The following ROBO1 variants were observed in gnomAD, a reference collection of about 807,000 sequenced individuals.
ROBO1 encodes roundabout homolog 1.
In ROBO1, 149 loss-of-function variants were observed where a neutral mutation model predicts 195.9. The ratio of observed to expected loss-of-function variants is 0.76; its 90% CI spans 0.67 to 0.87. The LOEUF (loss-of-function observed/expected upper bound fraction) is 0.87. Ranked by LOEUF, ROBO1 falls within the 40% of genes least tolerant of loss-of-function variation. ROBO1 has a pLI of 0.00. For missense variants in ROBO1, 1,933 were observed against 2,068.3 expected (o/e 0.93, Z 1.27); for synonymous variants, 816 against 733.2 (o/e 1.11, Z -1.82).
intron 3 of ROBO1, among the ~76,000 whole-genome samples, chr3:79,036,393 G>A (rs1339407369): frequency 2.0e-5 from 3 of 151,992 alleles, no homozygotes; most frequent in African/African-American, 7.3e-5. Flanking sequence ...GTGGCAGAAA[G>A]AGCTAAATAT....
At chr3:79,038,469 G>A (rs916920660) in intron 3 of ROBO1, among the ~76,000 whole-genome samples, 1 of 152,146 alleles carries the variant, frequency 6.6e-6, no homozygotes, top group Non-Finnish European at 1.5e-5. Flanking sequence ...ATTAGGAAGA[G>A]TAGCTGCTGA....
At chr3:79,496,538 C>A (rs1194476638) in intron 2 of ROBO1, among the ~76,000 whole-genome samples, 4 of 148,056 alleles carry the variant, frequency 2.7e-5, no homozygotes, top group African/African-American at 1.0e-4. Context: ...CGCCCGCCAC[C>A]GCGCCCGGCT....
At chr3:79,212,007 A>G (rs892539600) in intron 2 of ROBO1, among the ~76,000 whole-genome samples, 4 of 152,226 alleles carry the variant, frequency 2.6e-5, no homozygotes, top group African/African-American at 9.6e-5. Flanking sequence ...ACGGGAAACA[A>G]AGGGATGGGC....
chr3:78,753,902 A>C (rs2108321090), intron 4 of ROBO1, among the ~76,000 whole-genome samples: 1 of 152,364 alleles, frequency 6.6e-6, no homozygotes, highest in Non-Finnish European at 1.5e-5. Context: ...TATACACTTT[A>C]AAATAACCTA....
chr3:78,870,369 C>T (rs552642630), intron 4 of ROBO1, among the ~76,000 whole-genome samples: 1 of 152,284 alleles, frequency 6.6e-6, no homozygotes, highest in African/African-American at 2.4e-5. Flanking sequence ...CTCTCACTTA[C>T]GACTTCTACA....
At chr3:78,875,770 T>G (rs1441485999) in intron 4 of ROBO1, among the ~76,000 whole-genome samples, 3 of 152,012 alleles carry the variant, frequency 2.0e-5, no homozygotes, top group African/African-American at 7.2e-5. Context: ...ACCTGGAGAT[T>G]AAAAGCAGAA....
At chr3:79,013,607 C>A (rs1352397663) in intron 3 of ROBO1, among the ~76,000 whole-genome samples, 3 of 152,158 alleles carry the variant, frequency 2.0e-5, no homozygotes, top group Non-Finnish European at 4.4e-5. Context: ...TTCTTCATTT[C>A]TCTCTTTCGA....
chr3:79,501,976 T>C (rs1940096509), intron 2 of ROBO1, among the ~76,000 whole-genome samples: 3 of 152,206 alleles, frequency 2.0e-5, no homozygotes, highest in African/African-American at 4.8e-5. Flanking sequence ...GTCGTTTGAG[T>C]AAGATAGCTC....
intron 2 of ROBO1, among the ~76,000 whole-genome samples, chr3:79,147,764 T>A (rs1010747327): frequency 6.6e-6 from 1 of 152,144 alleles, no homozygotes; most frequent in African/African-American, 2.4e-5. Flanking sequence ...AATGTCAAAC[T>A]GAACACGGAA....
At chr3:79,753,499 T>C (rs1032965344) in intron 1 of ROBO1, among the ~76,000 whole-genome samples, 1 of 152,216 alleles carries the variant, frequency 6.6e-6, no homozygotes, top group African/African-American at 2.4e-5. Context: ...CTCAGTGATT[T>C]GCAAGAGTGT....
intron 21 of ROBO1, among the ~76,000 whole-genome samples, chr3:78,644,444 ATAAC>A (rs1269007945): frequency 2.0e-5 from 3 of 152,142 alleles, no homozygotes; most frequent in Admixed American, 6.6e-5. Flanking sequence ...AATTTTGTAT[ATAAC>A]TGACATTTTG....
intron 1 of ROBO1, among the ~76,000 whole-genome samples, chr3:79,728,081 CGTGT>C (rs1035384605): frequency 3.3e-5 from 5 of 151,710 alleles, no homozygotes; most frequent in African/African-American, 1.2e-4. Context: ...CACACGACTG[CGTGT>C]GTGTATTTGT....
chr3:79,259,313 T>C (rs1371730465), intron 2 of ROBO1, among the ~76,000 whole-genome samples: 1 of 152,006 alleles, frequency 6.6e-6, no homozygotes, highest in East Asian at 1.9e-4. Context: ...TTTTGTAATT[T>C]TTATTTTGTA....
intron 1 of ROBO1, among the ~76,000 whole-genome samples, chr3:79,622,277 C>A (rs1037749704): frequency 2.0e-5 from 3 of 152,328 alleles, no homozygotes; most frequent in African/African-American, 7.2e-5. Flanking sequence ...AAATTCCCAA[C>A]AGCCTGTCAG....
chr3:79,706,961 G>C (rs1364862419), intron 1 of ROBO1, among the ~76,000 whole-genome samples: 1 of 151,674 alleles, frequency 6.6e-6, no homozygotes, highest in Non-Finnish European at 1.5e-5. Flanking sequence ...ATTATTTGTA[G>C]GTTTTTTTTC....
At chr3:79,480,465 C>T (rs1486901217) in intron 2 of ROBO1, among the ~76,000 whole-genome samples, 1 of 151,962 alleles carries the variant, frequency 6.6e-6, no homozygotes, top group Non-Finnish European at 1.5e-5. Flanking sequence ...ATTTATTCCC[C>T]TGATTATGAT....
At position 79,373,010 on chromosome 3, in the gene ROBO1, T is replaced by C. The variant is rs141290302; in HGVS notation, c.88+216814A>G. 3.3e-5 allele frequency among the ~76,000 whole-genome samples: 5 copies of C among 152,252 alleles called. No homozygotes were observed. In the East Asian group the frequency reaches 7.7e-4, roughly 24 times the overall value. On this transcript the variant is annotated intron_variant, in intron 2 of 30. Coordinates refer to ENST00000464233, the MANE Select transcript of ROBO1 (RefSeq NM_002941.4). ...GTTTCTGTTGAACACATCACACAAA[T>C]AGTGAACCAGAAAACACATTTCTGT... is the stretch of plus-strand genomic sequence containing the variant.
intron 3 of ROBO1, among the ~76,000 whole-genome samples, chr3:79,065,854 G>T (rs1026182964): frequency 4.0e-5 from 6 of 151,880 alleles, no homozygotes; most frequent in Non-Finnish European, 8.8e-5. Flanking sequence ...TATAGATGAT[G>T]GTGATGGTAA....
At chr3:79,153,729 TTAAA>T (rs2080811746) in intron 2 of ROBO1, among the ~76,000 whole-genome samples, 1 of 147,914 alleles carries the variant, frequency 6.8e-6, no homozygotes, top group Admixed American at 6.8e-5. Flanking sequence ...TGAATATATA[TTAAA>T]TAATATAGTA....
Sources: gnomAD v4.1 joint callset for allele counts (sites outside exome capture counted in the v4.1 genomes callset) on GRCh38, gnomAD v4.1.1 for gene constraint, MANE v1.5 for transcripts, NCBI Gene and HGNC (gene_info 2026-07-23, HGNC 2026-07-21) for gene names.